SEMA3A: variants seen among roughly 807,000 people sequenced by gnomAD.
SEMA3A encodes the protein semaphorin-3A.
A neutral mutation model predicts 97.9 loss-of-function variants in SEMA3A; 29 were observed. The ratio of observed to expected loss-of-function variants is 0.30; its 90% CI spans 0.22 to 0.40. The LOEUF (loss-of-function observed/expected upper bound fraction) is 0.40. Ranked by LOEUF, SEMA3A falls within the 10% of genes least tolerant of loss-of-function variation. The probability of loss-of-function intolerance (pLI) is 1.00; values close to 1 mark genes in which losing one functional copy is unlikely to be tolerated. For missense variants in SEMA3A, 763 were observed against 951.3 expected (o/e 0.80, Z 2.60); for synonymous variants, 321 against 323.7 (o/e 0.99, Z 0.09).
At chr7:84,091,213 A>AAAGAAAGAAAG (rs1491329206) in intron 4 of SEMA3A, among the ~76,000 whole-genome samples, 5 of 64,986 alleles carry the variant, frequency 7.7e-5, no homozygotes, top group South Asian at 4.7e-4. Flanking sequence ...AGAAAGAAAG[A>AAAGAAAGAAAG]AAAGAAAAGA....
At chr7:84,353,931 CA>C (rs1371605342) in intron 2 of SEMA3A, among the ~76,000 whole-genome samples, 1 of 151,550 alleles carries the variant, frequency 6.6e-6, no homozygotes, top group Non-Finnish European at 1.5e-5. Context: ...CATTAAATCA[CA>C]TTTTTTCTTC....
At chr7:84,229,787 C>T (rs1488591394) in intron 3 of SEMA3A, among the ~76,000 whole-genome samples, 1 of 151,938 alleles carries the variant, frequency 6.6e-6, no homozygotes. Context: ...TTCATCTTTC[C>T]TTGGTTCTTT....
intron 2 of SEMA3A, among the ~76,000 whole-genome samples, chr7:84,363,575 A>G (rs34779581): frequency 0.066 from 10,092 of 151,994 alleles, 410 homozygotes; most frequent in African/African-American, 0.1. Flanking sequence ...CTTCAATTTT[A>G]TAACACAAAC....
chr7:84,171,875 G>T (rs935135721), intron 1 of SEMA3A, among the ~76,000 whole-genome samples: 4 of 151,954 alleles, frequency 2.6e-5, no homozygotes, highest in Admixed American at 2.0e-4. Context: ...TTTTGCATTT[G>T]CTGTGTCATG....
chr7:84,228,611 GA>G (rs1055624742), intron 3 of SEMA3A, among the ~76,000 whole-genome samples: 96 of 151,720 alleles, frequency 6.3e-4, no homozygotes, highest in Middle Eastern at 3.4e-3. Context: ...ATTTAGAAAA[GA>G]AAAAAAACAT....
intron 2 of SEMA3A, among the ~76,000 whole-genome samples, chr7:84,363,553 T>A (rs2116074202): frequency 6.6e-6 from 1 of 152,096 alleles, no homozygotes; most frequent in Non-Finnish European, 1.5e-5. Flanking sequence ...TTTTTAATTT[T>A]GTATTTTTTG....
Position 84,293,297 on chromosome 7 carries a change from T to G in SEMA3A, c.-83+13910A>C, listed in dbSNP as rs73711510. On this transcript the variant is annotated intron_variant, in intron 3 of 3. Transcript: ENST00000424555. The stretch of plus-strand genomic sequence containing the variant: ...TCAGAGCCAGTTAGGAACACTTTGT[T>G]TTGTTGAAAGAATAGCTTCTCAATG... Among the ~76,000 whole-genome samples the G allele has an allele frequency of 4.3e-3, 660 of 152,180 alleles. 4 individuals carry two copies. The highest frequency in any genetic ancestry group is 0.015 in the African/African-American group (635 of 41,574).
chr7:84,380,013 T>C (rs1161016797), intron 1 of SEMA3A, among the ~76,000 whole-genome samples: 2 of 152,202 alleles, frequency 1.3e-5, no homozygotes, highest in Non-Finnish European at 2.9e-5. Context: ...ATATTGGACT[T>C]TGGAAATCTT....
chr7:83,977,788 C>CTT lies in SEMA3A; in HGVS notation c.1653-594_1653-593dup, dbSNP rs139682272. On this transcript the variant is annotated intron_variant, in intron 14 of 16. Coordinates refer to ENST00000265362, the MANE Select transcript of SEMA3A (RefSeq NM_006080.3). ...TTCTTGGTTATTGTATCAACCTATC[C>CTT]TTTTTTTTTTTCTTTCTTTCTTTTT... 9.6e-4 allele frequency among the ~76,000 whole-genome samples: 135 copies of CTT among 141,064 alleles called. No individual in the cohort carries two copies. In the Middle Eastern group the frequency reaches 0.027, roughly 29 times the overall value. The allele number at this position is 141,064 out of a possible 152,430, so 92.5% of individuals were successfully genotyped here. A position where few individuals can be genotyped will look rare whatever the true frequency, so the allele number is the denominator to read the frequency against.
intron 14 of SEMA3A, among the ~76,000 whole-genome samples, chr7:83,980,879 C>T (rs914220123): frequency 2.6e-5 from 4 of 151,684 alleles, no homozygotes; most frequent in African/African-American, 9.7e-5. Flanking sequence ...GTAATATTTT[C>T]AAAACTAGAA....
At chr7:84,425,824 C>CAT (rs201313923) in intron 1 of SEMA3A, among the ~76,000 whole-genome samples, 31 of 140,340 alleles carry the variant, frequency 2.2e-4, no homozygotes, top group African/African-American at 4.4e-4. Flanking sequence ...TACAATATAT[C>CAT]ATATATATAT....
chr7:83,975,490 T>C (rs1443500533), intron 15 of SEMA3A, among the ~76,000 whole-genome samples: 1 of 152,154 alleles, frequency 6.6e-6, no homozygotes, highest in East Asian at 1.9e-4. Context: ...AAAAGTGCTA[T>C]TAGTTCAAAT....
chr7:84,159,337 TCTAA>T (rs758063152), intron 1 of SEMA3A, among the ~76,000 whole-genome samples: 2 of 152,212 alleles, frequency 1.3e-5, no homozygotes, highest in Non-Finnish European at 2.9e-5. Context: ...GGCATTTCAT[TCTAA>T]CTGTTACATC....
intron 6 of SEMA3A, among the ~76,000 whole-genome samples, chr7:84,022,530 G>C (rs904124060): frequency 1.3e-5 from 2 of 152,106 alleles, no homozygotes; most frequent in Non-Finnish European, 1.5e-5. Flanking sequence ...AGCGACCCTG[G>C]ATATCTTTCC....
upstream of SEMA3A, among the ~76,000 whole-genome samples, chr7:84,196,650 T>C (rs1284904345): frequency 6.6e-6 from 1 of 152,198 alleles, no homozygotes; most frequent in Non-Finnish European, 1.5e-5. Flanking sequence ...TTTCACGCTC[T>C]AGGCAATGGA....
intron 4 of SEMA3A, among the ~76,000 whole-genome samples, chr7:84,086,527 A>G (rs146665924): frequency 2.8e-4 from 18 of 64,364 alleles, no homozygotes; most frequent in South Asian, 2.5e-3. Context: ...TATATATAAT[A>G]TATTATTATA....
Position 83,957,935 on chromosome 7 carries a change from G to T in SEMA3A, c.*3436C>A, listed in dbSNP as rs748228428. On this transcript the variant is annotated 3_prime_UTR_variant, in exon 17 of 17. Coordinates refer to ENST00000265362, the MANE Select transcript of SEMA3A (RefSeq NM_006080.3). ...AGTTTCATTAAATTGAATGGAAATT[G>T]TGTTTTAAAATGAGCTAATAAAACA... 1.3e-5 allele frequency: 2 copies of T among 151,954 alleles called. No individual in the cohort carries two copies. Among genetic ancestry groups the T allele is most frequent in the Non-Finnish European group, 2.9e-5 (2 of 67,944 alleles). 9.4% of individuals were successfully genotyped at this position (151,954 alleles called of 1,614,324 possible).
chr7:84,305,643 C>T (rs6949774), intron 3 of SEMA3A, among the ~76,000 whole-genome samples: 11,839 of 151,996 alleles, frequency 0.078, 646 homozygotes, highest in East Asian at 0.29. Context: ...GACAGTGACA[C>T]CAGCTCTATG....
intron 5 of SEMA3A, among the ~76,000 whole-genome samples, chr7:84,050,802 G>A (rs1199398228): frequency 6.6e-6 from 1 of 152,058 alleles, no homozygotes; most frequent in Non-Finnish European, 1.5e-5. Context: ...TGTCCTGAAT[G>A]GTAATGCCTA....
Sources: allele counts gnomAD v4.1 joint callset (sites outside exome capture counted in the v4.1 genomes callset), GRCh38; gene constraint gnomAD v4.1.1; transcripts MANE v1.5; gene names NCBI Gene and HGNC (gene_info 2026-07-23, HGNC 2026-07-21).